The following C12orf54 variants were observed in gnomAD, a reference collection of about 807,000 sequenced individuals.
C12orf54 encodes chromosome 12 open reading frame 54, also known as uncharacterized protein C12orf54.
In C12orf54, 24 loss-of-function variants were observed where a neutral mutation model predicts 26.4. The ratio of observed to expected loss-of-function variants is 0.91; its 90% CI spans 0.66 to 1.28. The LOEUF (loss-of-function observed/expected upper bound fraction) is 1.28, where lower values mean the gene tolerates loss of function less well. Among genes scored for constraint, C12orf54 ranks in the 50% most tolerant of loss-of-function variants. The pLI, the probability that C12orf54 is intolerant of heterozygous loss-of-function variation, is 0.00. For missense variants in C12orf54, 154 were observed against 150.9 expected, an observed-to-expected ratio of 1.02 and a Z score of -0.11; for synonymous variants, 54 against 47.0, an observed-to-expected ratio of 1.15 and a Z score of -0.61.
chr12:48,448,022 C>CA, the C12orf54 span, among the ~76,000 whole-genome samples: 7 of 150,980 alleles, frequency 4.6e-5, no homozygotes, highest in South Asian at 2.1e-4. Context: ...TGGCAGCTAG[C>CA]AAAAAAAACA....
chr12:48,489,089 C>A, intron 5 of C12orf54, 133 bp downstream of exon 5: 1 of 912,088 alleles, frequency 1.1e-6, no homozygotes, highest in South Asian at 1.3e-5. Context: ...TGATTTCTCC[C>A]TTAAAGAGTA....
chr12:48,470,452 A>G, the C12orf54 span, among the ~76,000 whole-genome samples: 3 of 151,244 alleles, frequency 2.0e-5, no homozygotes, highest in Admixed American at 6.6e-5. Flanking sequence ...GCATTTTCTC[A>G]TATGTTTACT....
chr12:48,432,918 A>G, the C12orf54 span, among the ~76,000 whole-genome samples: 2 of 152,176 alleles, frequency 1.3e-5, no homozygotes, highest in Non-Finnish European at 2.9e-5. Context: ...TTAAGATAAA[A>G]TAATTAAAAT....
At chr12:48,443,667 C>T in the C12orf54 span, among the ~76,000 whole-genome samples, 3 of 152,196 alleles carry the variant, frequency 2.0e-5, no homozygotes, top group Admixed American at 6.5e-5. Flanking sequence ...TATTCAGATT[C>T]AGGTTCAGCT....
intron 2 of C12orf54, 134 bp downstream of exon 2, chr12:48,483,495 C>A: frequency 1.5e-6 from 1 of 663,044 alleles, no homozygotes; most frequent in Non-Finnish European, 2.6e-6. Context: ...TGGGGACTTT[C>A]ATGTGTCCTC....
At chr12:48,417,311 C>T in the C12orf54 span, 4 of 152,284 alleles carry the variant, frequency 2.6e-5, no homozygotes, top group Admixed American at 6.5e-5. Context: ...AGGATGAACT[C>T]GGAGATAATG....
the C12orf54 span, chr12:48,472,895 A>G: frequency 6.2e-7 from 1 of 1,614,198 alleles, no homozygotes; most frequent in Non-Finnish European, 8.5e-7. Context: ...ACAGAGCCTC[A>G]GTGGGCCTAG....
the C12orf54 span, among the ~76,000 whole-genome samples, chr12:48,464,219 G>A: frequency 0.14 from 22,023 of 151,944 alleles, 2,809 homozygotes; most frequent in East Asian, 0.66. Context: ...GATAATTTCA[G>A]CAATGTTTCA....
At chr12:48,450,521 C>A in the C12orf54 span, among the ~76,000 whole-genome samples, 155 of 152,060 alleles carry the variant, frequency 1.0e-3, 2 homozygotes, top group Middle Eastern at 0.01. Flanking sequence ...ATGAGAAAAC[C>A]CTTCAAAAGA....
chr12:48,436,178 G>T, the C12orf54 span, among the ~76,000 whole-genome samples: 8 of 152,152 alleles, frequency 5.3e-5, no homozygotes, highest in African/African-American at 1.9e-4. Context: ...TTACATAATG[G>T]TAAAGGGATC....
chr12:48,478,282 G>A (rs1188520871), upstream of C12orf54, among the ~76,000 whole-genome samples: 1 of 152,112 alleles, frequency 6.6e-6, no homozygotes, highest in African/African-American at 2.4e-5. Flanking sequence ...CAAACCCACA[G>A]CCAATATCAT....
At chr12:48,431,736 A>T in the C12orf54 span, among the ~76,000 whole-genome samples, 1 of 152,232 alleles carries the variant, frequency 6.6e-6, no homozygotes. Context: ...CATATTATTG[A>T]TATCAGTATT....
the C12orf54 span, among the ~76,000 whole-genome samples, chr12:48,460,229 C>T: frequency 0.34 from 51,177 of 151,948 alleles, 10,737 homozygotes; most frequent in Middle Eastern, 0.48. Flanking sequence ...ACAGCCTCTT[C>T]TGATTGTTAT....
At chr12:48,447,184 T>C in the C12orf54 span, among the ~76,000 whole-genome samples, 1 of 150,454 alleles carries the variant, frequency 6.6e-6, no homozygotes, top group Non-Finnish European at 1.5e-5. Context: ...GTAAGAGATA[T>C]GAGAGCTCTC....
At chr12:48,435,358 C>T in the C12orf54 span, among the ~76,000 whole-genome samples, 1 of 152,208 alleles carries the variant, frequency 6.6e-6, no homozygotes, top group South Asian at 2.1e-4. Flanking sequence ...GCCAGGAGAA[C>T]TTCCCCAATC....
At chr12:48,443,924 C>T in the C12orf54 span, among the ~76,000 whole-genome samples, 1 of 152,242 alleles carries the variant, frequency 6.6e-6, no homozygotes, top group African/African-American at 2.4e-5. Flanking sequence ...TATCCAAACA[C>T]CGCCCAGCAT....
chr12:48,488,351 C>T (rs1937704626), intron 4 of C12orf54: 5 of 511,164 alleles, frequency 9.8e-6, no homozygotes, highest in African/African-American at 3.9e-5. Flanking sequence ...CCCCTGGTGC[C>T]GACAAGAAAG....
At chr12:48,469,790 G>A in the C12orf54 span, among the ~76,000 whole-genome samples, 209 of 152,256 alleles carry the variant, frequency 1.4e-3, 1 homozygote, top group African/African-American at 4.6e-3. Flanking sequence ...CACAATTTAT[G>A]TTCTGCTGTG....
chr12:48,485,577 T>C (rs1326487251), intron 2 of C12orf54, among the ~76,000 whole-genome samples: 1 of 152,190 alleles, frequency 6.6e-6, no homozygotes, highest in East Asian at 1.9e-4. Flanking sequence ...TTCACCCTTC[T>C]TCTTTCTTCC....
Sources: gnomAD v4.1 joint callset for allele counts (sites outside exome capture counted in the v4.1 genomes callset) on GRCh38, gnomAD v4.1.1 for gene constraint, MANE v1.5 for transcripts, NCBI Gene and HGNC (gene_info 2026-07-23, HGNC 2026-07-21) for gene names.